Variants in TNN observed in about 807,000 individuals in gnomAD.
TNN encodes the protein tenascin-N.
Under a neutral mutation model 134.4 loss-of-function variants are expected in TNN, and 122 were observed. The observed-to-expected ratio is 0.91, with a 90% CI of 0.78 to 1.06. The LOEUF is 1.06. Ranked by LOEUF, TNN falls within the 50% of genes least tolerant of loss-of-function variation. The pLI is 0.00. For missense variants in TNN, 1,739 were observed against 1,699.4 expected (o/e 1.02, Z -0.41); for synonymous variants, 710 against 670.3 (o/e 1.06, Z -0.91).
chr1:175,072,509 C>T (rs1673936377), intron 1 of TNN, among the ~76,000 whole-genome samples: 1 of 152,160 alleles, frequency 6.6e-6, no homozygotes, highest in Non-Finnish European at 1.5e-5. Context: ...GCCCTGTCTG[C>T]CCCCTCCCCA....
At chr1:175,075,070 C>T (rs775755399) in intron 1 of TNN, among the ~76,000 whole-genome samples, 3 of 152,186 alleles carry the variant, frequency 2.0e-5, no homozygotes, top group Admixed American at 6.5e-5. Context: ...ATGCCTAGTG[C>T]GTAGCAGCAA....
In TNN at chr1:175,094,135, C is replaced by T. The variant is rs1472788476; in HGVS notation, c.1470C>T (p.His490=). 6.2e-7 allele frequency: 1 copy of T among 1,614,132 alleles called. No individual in the cohort carries two copies. The highest frequency in any genetic ancestry group is 1.1e-5 in the South Asian group (1 of 91,082). ...GGGACACCAAGGAAATGGCAGTGCACAAGGATGAGAGCAGCACTGTCCTGA... is the reference window on the plus strand; with the variant it reads ...GGGACACCAAGGAAATGGCAGTGCATAAGGATGAGAGCAGCACTGTCCTGA... ...ADGDTKEMAV[H]KDESSTVLTG... Residue 490 remains histidine, a synonymous_variant, in exon 7 of 19, where the codon CAC becomes CAT. Transcript: ENST00000239462.
chr1:175,143,193 G>T (rs1675978568), intron 17 of TNN, among the ~76,000 whole-genome samples: 1 of 152,194 alleles, frequency 6.6e-6, no homozygotes, highest in Non-Finnish European at 1.5e-5. Context: ...GGGACTAAGA[G>T]CTGCCCTGCT....
chr1:175,139,612 A>AG (rs762408268), intron 17 of TNN, among the ~76,000 whole-genome samples: 6 of 68,780 alleles, frequency 8.7e-5, no homozygotes, highest in Admixed American at 1.7e-4. Context: ...GCTGTTTTAC[A>AG]GGATTTTTTT....
intron 9 of TNN, among the ~76,000 whole-genome samples, chr1:175,112,917 C>T (rs116632254): frequency 0.013 from 1,995 of 152,110 alleles, 43 homozygotes; most frequent in African/African-American, 0.046. Flanking sequence ...GCCCTATGCC[C>T]GGCCTCAGCA....
intron 7 of TNN, among the ~76,000 whole-genome samples, chr1:175,097,205 T>A (rs1424679167): frequency 6.6e-6 from 1 of 152,254 alleles, no homozygotes; most frequent in Non-Finnish European, 1.5e-5. Flanking sequence ...AGATGCTGGC[T>A]TTGTCTGAAA....
rs201489607 is a variant in TNN at position 175,085,385 on chromosome 1, C to A, written c.1235-20C>A. 3.3e-5 allele frequency: 51 copies of A among 1,543,052 alleles called. No homozygotes were observed. The highest frequency in any genetic ancestry group is 4.3e-5 in the Non-Finnish European group (48 of 1,117,336). On this transcript the variant is annotated intron_variant, in intron 5 of 18. Coordinates refer to ENST00000239462, the MANE Select transcript of TNN (RefSeq NM_022093.2). Reference sequence around the variant, plus strand: ...GTCTGGAGCCTGCACTCACATCCTGCGCTGCCTGCTTGTTTCCAGGTCTGC... The same window carrying A: ...GTCTGGAGCCTGCACTCACATCCTGAGCTGCCTGCTTGTTTCCAGGTCTGC...
At chr1:175,096,620 C>T (rs1433333309) in intron 7 of TNN, among the ~76,000 whole-genome samples, 1 of 152,208 alleles carries the variant, frequency 6.6e-6, no homozygotes, top group Non-Finnish European at 1.5e-5. Context: ...GGATTTTTGA[C>T]TCCCTAAGGA....
At chr1:175,095,487 G>A (rs559573704) in intron 7 of TNN, among the ~76,000 whole-genome samples, 1 of 152,256 alleles carries the variant, frequency 6.6e-6, no homozygotes, top group East Asian at 1.9e-4. Flanking sequence ...TGCCCCTCCT[G>A]GTTTACATTA....
At chr1:175,087,245 A>G (rs182211393) in intron 6 of TNN, among the ~76,000 whole-genome samples, 12 of 152,348 alleles carry the variant, frequency 7.9e-5, no homozygotes, top group African/African-American at 2.6e-4. Context: ...GAGGACTTCA[A>G]TATTTAAATG....
At chr1:175,098,712 C>T (rs1246986164) in intron 9 of TNN, 117 bp downstream of exon 9, 1 of 1,421,350 alleles carries the variant, frequency 7.0e-7, no homozygotes, top group Non-Finnish European at 9.6e-7. Flanking sequence ...TTGGTATCCT[C>T]CCATAATACA....
intron 6 of TNN, among the ~76,000 whole-genome samples, chr1:175,086,690 G>A (rs1189483266): frequency 6.6e-6 from 1 of 152,216 alleles, no homozygotes; most frequent in Non-Finnish European, 1.5e-5. Context: ...CTAACAGATT[G>A]CTTATCTGCA....
chr1:175,109,307 C>G (rs559099281), intron 9 of TNN, among the ~76,000 whole-genome samples: 2 of 149,964 alleles, frequency 1.3e-5, no homozygotes, highest in African/African-American at 4.9e-5. Flanking sequence ...CCAGGATGGT[C>G]TCGATCTCCT....
chr1:175,078,541 G>A (rs1165209252), intron 2 of TNN, among the ~76,000 whole-genome samples: 1 of 152,166 alleles, frequency 6.6e-6, no homozygotes, highest in African/African-American at 2.4e-5. Flanking sequence ...GAATTGCTAT[G>A]GTAAAGAGCA....
intron 9 of TNN, among the ~76,000 whole-genome samples, chr1:175,115,444 C>T (rs1275392531): frequency 3.3e-5 from 5 of 152,090 alleles, no homozygotes; most frequent in African/African-American, 9.7e-5. Context: ...CACGAAAGAG[C>T]GTGCAGTTTC....
chr1:175,115,471 G>A (rs1675141529), intron 9 of TNN, among the ~76,000 whole-genome samples: 1 of 152,178 alleles, frequency 6.6e-6, no homozygotes, highest in Admixed American at 6.5e-5. Flanking sequence ...GGAATGAGTG[G>A]GTAGGGGAGG....
rs138203629 is a variant in TNN at position 175,134,887 on chromosome 1, C to A, written c.3331-958C>A. Among the ~76,000 whole-genome samples the A allele has an allele frequency of 9.3e-4, 142 of 152,298 alleles. 1 individual carries two copies. The highest frequency in any genetic ancestry group is 3.4e-3 in the Middle Eastern group (1 of 294). On this transcript the variant is annotated intron_variant, in intron 15 of 18. Coordinates refer to ENST00000239462, the MANE Select transcript of TNN (RefSeq NM_022093.2). ...CATTCCATACACTACAAGCTAGAGA[C>A]GAATCTGATTGGATCTCATTTCCTG...
At chr1:175,132,784 A>G (rs1675707395) in intron 15 of TNN, among the ~76,000 whole-genome samples, 1 of 152,182 alleles carries the variant, frequency 6.6e-6, no homozygotes, top group Admixed American at 6.5e-5. Context: ...TTCTGCATCC[A>G]TGGTGCCCCA....
At chr1:175,115,719 G>A (rs1675151060) in intron 9 of TNN, among the ~76,000 whole-genome samples, 1 of 152,088 alleles carries the variant, frequency 6.6e-6, no homozygotes, top group Non-Finnish European at 1.5e-5. Flanking sequence ...CAGGGGGTGG[G>A]GCACAGTGTT....
Sources: allele counts gnomAD v4.1 joint callset (sites outside exome capture counted in the v4.1 genomes callset), GRCh38; gene constraint gnomAD v4.1.1; transcripts MANE v1.5; gene names NCBI Gene and HGNC (gene_info 2026-07-23, HGNC 2026-07-21).